Variants in ZSWIM9 observed in about 807,000 individuals in gnomAD.
ZSWIM9 encodes uncharacterized protein ZSWIM9.
ZSWIM9 carries 11 observed loss-of-function variants against 25.0 expected under a neutral mutation model. That is an observed-to-expected ratio of 0.44 (90% CI 0.28 to 0.73). The LOEUF (loss-of-function observed/expected upper bound fraction) is 0.73, where lower values mean the gene tolerates loss of function less well. Among genes scored for constraint, ZSWIM9 ranks in the 30% least tolerant of loss-of-function variants. ZSWIM9 has a pLI of 0.16. For missense variants in ZSWIM9, 1,070 were observed against 1,296.5 expected (o/e 0.83, Z 2.68); for synonymous variants, 562 against 582.1 (o/e 0.97, Z 0.50).
intron 3 of ZSWIM9, among the ~76,000 whole-genome samples, chr19:48,190,754 A>G (rs929880162): frequency 1.3e-5 from 2 of 152,196 alleles, no homozygotes; most frequent in Non-Finnish European, 2.9e-5. Context: ...TTCCCCTGCT[A>G]TGTAGTTACA....
intron 3 of ZSWIM9, among the ~76,000 whole-genome samples, chr19:48,183,358 A>C (rs2036975659): frequency 2.0e-5 from 3 of 151,988 alleles, no homozygotes; most frequent in Admixed American, 2.0e-4. Flanking sequence ...CGATCTCCTG[A>C]CCTTGTGATC....
At position 48,194,332 on chromosome 19, in the gene ZSWIM9, C is replaced by T. The variant is rs2037131694; in HGVS notation, c.589-321C>T. On this transcript the variant is annotated intron_variant, in intron 3 of 3. Transcript: ENST00000614654. The surrounding 1 kb of genome is among the most constrained non-coding windows in gnomAD (Gnocchi z 6.0). The stretch of plus-strand genomic sequence containing the variant: ...TTTGAGACCCACTGCCCTAGACTGC[C>T]TCTCAGCACACGGAGGAATGAATAG... 6.6e-6 allele frequency among the ~76,000 whole-genome samples: 1 copy of T among 152,142 alleles called. No homozygotes were observed. The highest frequency in any genetic ancestry group is 2.1e-4 in the South Asian group (1 of 4,820).
At chr19:48,176,275 A>T (rs1413854514) in intron 2 of ZSWIM9, among the ~76,000 whole-genome samples, 1 of 152,138 alleles carries the variant, frequency 6.6e-6, no homozygotes, top group African/African-American at 2.4e-5. Flanking sequence ...AAAAAAGTTT[A>T]AAAAAATAGC....
chr19:48,177,204 C>T (rs574869842), intron 2 of ZSWIM9, among the ~76,000 whole-genome samples: 7 of 152,104 alleles, frequency 4.6e-5, no homozygotes, highest in Non-Finnish European at 1.0e-4. Context: ...TAGGAGTTGA[C>T]TAGGTGAAAA....
At chr19:48,172,634 A>G (rs1028678097) in intron 2 of ZSWIM9, among the ~76,000 whole-genome samples, 25 of 152,188 alleles carry the variant, frequency 1.6e-4, no homozygotes, top group Admixed American at 1.4e-3. Context: ...CTCCTGCCTC[A>G]ACCTCCTGAG....
chr19:48,189,960 C>T (rs758850306), intron 3 of ZSWIM9, among the ~76,000 whole-genome samples: 21 of 152,146 alleles, frequency 1.4e-4, no homozygotes, highest in Non-Finnish European at 2.2e-4. Flanking sequence ...CCCAGCACTT[C>T]GAGAGGCTGA....
intron 3 of ZSWIM9, chr19:48,189,684 T>A (rs570356184): frequency 6.5e-6 from 1 of 154,494 alleles, no homozygotes; most frequent in Non-Finnish European, 1.5e-5. Flanking sequence ...TGCTGTATTA[T>A]CTATAAAATA....
chr19:48,191,438 C>G (rs1052902114), intron 3 of ZSWIM9, among the ~76,000 whole-genome samples: 3 of 152,182 alleles, frequency 2.0e-5, no homozygotes, highest in Non-Finnish European at 2.9e-5. Context: ...CTCCTGACCT[C>G]AGGTGATCCA....
intron 3 of ZSWIM9, chr19:48,187,546 T>C (rs1208348454): frequency 5.9e-5 from 2 of 33,938 alleles, no homozygotes; most frequent in Non-Finnish European, 1.2e-4. Context: ...TATTATATTA[T>C]ATTATATATA....
In ZSWIM9 at chr19:48,195,169, G is replaced by A; in HGVS notation, c.1105G>A (p.Gly369Ser). Residue 369 changes from glycine (G) to serine (S), a missense_variant, in exon 4 of 4, where the codon GGC (glycine) becomes AGC (serine). By Grantham distance (56) the Gly-to-Ser change is moderately conservative (BLOSUM62 0). This residue lies in a region of ZSWIM9 where 184 missense variants were observed against 243.1 expected (regional missense o/e 0.76). Coordinates refer to ENST00000614654, the MANE Select transcript of ZSWIM9 (RefSeq NM_199341.4). The surrounding 1 kb of genome is among the most constrained non-coding windows in gnomAD (Gnocchi z 5.8). ...GGCGCTGGCCGAGCTCCACGCCCAC[G>A]GCCCAGCCGCCTTCGTGGACTACTT... ...DEALAELHAH[G>S]PAAFVDYFER... The A allele has an allele frequency of 1.3e-6, 2 of 1,519,702 alleles. No homozygotes were observed. The highest frequency in any genetic ancestry group is 1.8e-6 in the Non-Finnish European group (2 of 1,138,162). The allele number at this position is 1,519,702 out of a possible 1,614,324, so 94.1% of individuals were successfully genotyped here.
At position 48,194,094 on chromosome 19, in the gene ZSWIM9, G is replaced by A. The variant is rs992252800; in HGVS notation, c.589-559G>A. On this transcript the variant is annotated intron_variant, in intron 3 of 3. Coordinates refer to ENST00000614654, the MANE Select transcript of ZSWIM9 (RefSeq NM_199341.4). This position sits in a 1 kb window ranked among gnomAD's most constrained non-coding sequence, Gnocchi z 6.0. The stretch of plus-strand genomic sequence containing the variant: ...AGAAGTGTTGGGGGTGGGACTCAAA[G>A]CTAAATGATCTGCCTCCACAATCTA... 4.6e-5 allele frequency among the ~76,000 whole-genome samples: 7 copies of A among 152,318 alleles called. No homozygotes were observed. The highest frequency in any genetic ancestry group is 1.7e-4 in the African/African-American group (7 of 41,576).
At position 48,182,737 on chromosome 19, in the gene ZSWIM9, G is replaced by C; in HGVS notation, c.558G>C (p.Glu186Asp). 6.5e-7 allele frequency: 1 copy of C among 1,534,386 alleles called. No homozygotes were observed. Among genetic ancestry groups the C allele is most frequent in the South Asian group, 1.2e-5 (1 of 83,938 alleles). The change falls in exon 3 of 4, where the codon GAG becomes GAC. Residue 186 changes from glutamate (E) to aspartate (D), a missense_variant. Coordinates refer to ENST00000614654, the MANE Select transcript of ZSWIM9 (RefSeq NM_199341.4). This position sits in a 1 kb window ranked among gnomAD's most constrained non-coding sequence, Gnocchi z 4.6. The stretch of plus-strand genomic sequence containing the variant: ...TCCTGGACGCCCTGCACGTGCTCGA[G>C]GGCCTCTTCCGCACCGACCCCGAGG... ...HGVLDALHVL[E>D]GLFRTDPEAK...
chr19:48,176,788 G>T (rs2036897526), intron 2 of ZSWIM9, among the ~76,000 whole-genome samples: 1 of 152,092 alleles, frequency 6.6e-6, no homozygotes, highest in South Asian at 2.1e-4. Context: ...TCCCAGCCGG[G>T]TGCGGTGGCT....
At position 48,196,639 on chromosome 19, in the gene ZSWIM9, G is replaced by A. The variant is rs1324644185; in HGVS notation, c.2575G>A (p.Gly859Ser). 1.6e-6 allele frequency: 2 copies of A among 1,232,594 alleles called. No individual in the cohort carries two copies. Among genetic ancestry groups the A allele is most frequent in the Non-Finnish European group, 2.0e-6 (2 of 988,412 alleles). The allele number at this position is 1,232,594 out of a possible 1,614,324, so 76.4% of individuals were successfully genotyped here. A position where few individuals can be genotyped will look rare whatever the true frequency, so the allele number is the denominator to read the frequency against. The change falls in exon 4 of 4, where the codon GGC (glycine) becomes AGC (serine). Residue 859 changes from glycine (G) to serine (S), a missense_variant. This residue lies in a region of ZSWIM9 where 583 missense variants were observed against 624.7 expected (regional missense o/e 0.93). Transcript: ENST00000614654. ...CCGGGGTTTCCACTGGACCGGAGCTGGCTTTGCCCTTAAGGACGGCACCTC... is the reference window on the plus strand; with the variant it reads ...CCGGGGTTTCCACTGGACCGGAGCTAGCTTTGCCCTTAAGGACGGCACCTC... ...GTRGFHWTGA[G>S]FALKDGTSDF...
intron 3 of ZSWIM9, among the ~76,000 whole-genome samples, chr19:48,187,084 C>A (rs2037020094): frequency 1.3e-5 from 2 of 151,758 alleles, no homozygotes; most frequent in Non-Finnish European, 2.9e-5. Flanking sequence ...CGGTTCTCAG[C>A]ATCCCTCAAT....
chr19:48,195,251 C>T lies in ZSWIM9; in HGVS notation c.1187C>T (p.Ala396Val). 1 of 1,529,610 alleles carries T rather than the reference C, an allele frequency of 6.5e-7. No homozygotes were observed. Among genetic ancestry groups the T allele is most frequent in the Non-Finnish European group, 8.7e-7 (1 of 1,143,494 alleles). 94.8% of individuals were successfully genotyped at this position (1,529,610 alleles called of 1,614,324 possible). ...TGGGTCCGCTTCCGCGCCTTCGAGG[C>T]GGCCAGAGACCTGGACGCGTGTGCC... ...DMWVRFRAFE[A>V]ARDLDACALV... The change falls in exon 4 of 4, where the codon GCG (alanine) becomes GTG (valine). Residue 396 changes from alanine to valine, a missense_variant. This residue lies in a region of ZSWIM9 where 184 missense variants were observed against 243.1 expected (regional missense o/e 0.76). Coordinates refer to ENST00000614654, the MANE Select transcript of ZSWIM9 (RefSeq NM_199341.4). The surrounding 1 kb of genome is among the most constrained non-coding windows in gnomAD (Gnocchi z 5.8).
At chr19:48,171,477 G>C in intron 1 of ZSWIM9, 2 of 760,946 alleles carry the variant, frequency 2.6e-6, no homozygotes, top group Non-Finnish European at 3.2e-6. Flanking sequence ...AGGGACATCT[G>C]AGCTTAAGGG....
At position 48,192,618 on chromosome 19, in the gene ZSWIM9, T is replaced by C. The variant is rs566968142; in HGVS notation, c.589-2035T>C. 2.7e-5 allele frequency among the ~76,000 whole-genome samples: 4 copies of C among 150,494 alleles called. No homozygotes were observed. In the South Asian group the frequency reaches 8.5e-4, roughly 32 times the overall value. ...TGCTTTTGTTTCCAATCATTCCTAA[T>C]GGCCCGGATCTATTGGATCCCAGCA... is the stretch of plus-strand genomic sequence containing the variant. On this transcript the variant is annotated intron_variant, in intron 3 of 3. Transcript: ENST00000614654.
intron 1 of ZSWIM9, among the ~76,000 whole-genome samples, 164 bp downstream of exon 1, chr19:48,170,878 G>A (rs746960491): frequency 1.5e-4 from 23 of 151,736 alleles, no homozygotes; most frequent in South Asian, 4.2e-4. Context: ...GCAGCTGGAC[G>A]TGGGGGGAGC....
Sources: allele counts gnomAD v4.1 joint callset (sites outside exome capture counted in the v4.1 genomes callset), GRCh38; gene constraint gnomAD v4.1.1; regional missense constraint gnomAD v4.1.1; non-coding constraint Gnocchi (gnomAD v3.1); transcripts MANE v1.5; gene names NCBI Gene and HGNC (gene_info 2026-07-23, HGNC 2026-07-21).